The following FAM227B variants were observed in gnomAD, a reference collection of about 807,000 sequenced individuals.
FAM227B encodes the protein family with sequence similarity 227 member B.
In FAM227B, 88 loss-of-function variants were observed where a neutral mutation model predicts 73.8. That is an observed-to-expected ratio of 1.19 (90% CI 1.00 to 1.42). The LOEUF (loss-of-function observed/expected upper bound fraction) is 1.42, where lower values mean the gene tolerates loss of function less well. FAM227B is among the 40% of genes most tolerant of loss of function. The pLI is 0.00. For missense variants in FAM227B, 632 were observed against 590.9 expected (o/e 1.07, Z -0.72); for synonymous variants, 210 against 190.5 (o/e 1.10, Z -0.84).
At chr15:49,338,148 T>A (rs1454773169) in intron 13 of FAM227B, among the ~76,000 whole-genome samples, 1 of 152,236 alleles carries the variant, frequency 6.6e-6, no homozygotes, top group Admixed American at 6.5e-5. Context: ...TTAATATTGT[T>A]ATGTGTGAAC....
At chr15:49,576,879 A>G (rs759850685) in intron 6 of FAM227B, 34 bp from the exon 7 acceptor site, 5 of 1,286,170 alleles carry the variant, frequency 3.9e-6, no homozygotes, top group Non-Finnish European at 5.6e-6. Flanking sequence ...GAGAGTAAAT[A>G]TTTCACTCTT....
chr15:49,606,936 T>C (rs1342345666), intron 3 of FAM227B, among the ~76,000 whole-genome samples: 1 of 152,162 alleles, frequency 6.6e-6, no homozygotes, highest in Non-Finnish European at 1.5e-5. Context: ...ACAAAGAAAG[T>C]TAGTCAACAT....
intron 9 of FAM227B, among the ~76,000 whole-genome samples, chr15:49,554,962 G>A (rs1279947320): frequency 6.6e-6 from 1 of 152,062 alleles, no homozygotes; most frequent in Non-Finnish European, 1.5e-5. Context: ...TTTACTTTGA[G>A]CCTGGGGGTA....
chr15:49,604,161 T>C (rs193292343), intron 3 of FAM227B, among the ~76,000 whole-genome samples: 5 of 152,364 alleles, frequency 3.3e-5, no homozygotes, highest in Admixed American at 3.3e-4. Context: ...ACTATATTCT[T>C]ACGTTTATGG....
Position 49,366,061 on chromosome 15 carries a change from C to G in FAM227B, c.1271+1387G>C. 6.1e-6 allele frequency: 5 copies of G among 817,422 alleles called. No individual in the cohort carries two copies. In the South Asian group the frequency reaches 6.7e-5, roughly 11 times the overall value. The allele number at this position is 817,422 out of a possible 1,614,324, so 50.6% of individuals were successfully genotyped here. On this transcript the variant is annotated intron_variant, in intron 13 of 15. Coordinates refer to ENST00000299338, the MANE Select transcript of FAM227B (RefSeq NM_152647.3). ...TAGATATTCTTCCTTTTTTTTCCCT[C>G]ATTTATCTATCTTCAGTTGTCACTG...
At chr15:49,614,986 C>G (rs569313785) in intron 2 of FAM227B, 135 bp downstream of exon 2, 4 of 768,576 alleles carry the variant, frequency 5.2e-6, no homozygotes, top group Non-Finnish European at 9.2e-6. Context: ...ATCTGTGCAG[C>G]GAGCATTAAG....
At chr15:49,619,202 G>A (rs2078495037) in intron 1 of FAM227B, among the ~76,000 whole-genome samples, 1 of 152,164 alleles carries the variant, frequency 6.6e-6, no homozygotes, top group South Asian at 2.1e-4. Context: ...CGATATTTTG[G>A]GGTTTTCTGT....
chr15:49,429,632 C>G (rs1205571549), intron 11 of FAM227B, among the ~76,000 whole-genome samples: 1 of 151,862 alleles, frequency 6.6e-6, no homozygotes, highest in Non-Finnish European at 1.5e-5. Context: ...ATCTCTCAAC[C>G]TTGTCTAAAT....
At chr15:49,337,419 C>T (rs908949281) in intron 13 of FAM227B, among the ~76,000 whole-genome samples, 4 of 147,836 alleles carry the variant, frequency 2.7e-5, no homozygotes, top group East Asian at 2.0e-4. Flanking sequence ...TTGTGGTTTT[C>T]GTTTGCATTT....
intron 5 of FAM227B, among the ~76,000 whole-genome samples, chr15:49,583,980 A>T (rs1413767126): frequency 1.3e-5 from 2 of 152,094 alleles, no homozygotes; most frequent in Admixed American, 6.6e-5. Context: ...CCAAAAACTT[A>T]AGGAAGAAGG....
intron 11 of FAM227B, among the ~76,000 whole-genome samples, chr15:49,378,032 T>C (rs2046283224): frequency 6.6e-6 from 1 of 152,220 alleles, no homozygotes; most frequent in African/African-American, 2.4e-5. Context: ...GATTTCATTT[T>C]GTCTATGACA....
intron 3 of FAM227B, among the ~76,000 whole-genome samples, chr15:49,601,347 A>T (rs1214612809): frequency 6.6e-6 from 1 of 151,840 alleles, no homozygotes; most frequent in South Asian, 2.1e-4. Context: ...TACAGTTATT[A>T]TGTTATATTT....
At chr15:49,614,750 T>C in intron 2 of FAM227B, 1 of 219,974 alleles carries the variant, frequency 4.5e-6, no homozygotes, top group Non-Finnish European at 9.3e-6. Context: ...CCATCACCCA[T>C]CATGATTGCC....
chr15:49,365,886 TG>T (rs2045086783), intron 13 of FAM227B: 1 of 963,824 alleles, frequency 1.0e-6, no homozygotes, highest in African/African-American at 1.6e-5. Context: ...TATGAATTAG[TG>T]CAGCAAGAGA....
chr15:49,408,563 C>T (rs1207136634), intron 11 of FAM227B, among the ~76,000 whole-genome samples: 1 of 152,140 alleles, frequency 6.6e-6, no homozygotes, highest in African/African-American at 2.4e-5. Flanking sequence ...CTAAATTGAT[C>T]TTCCATATCC....
chr15:49,433,890 AC>A (rs1362403608), intron 11 of FAM227B, among the ~76,000 whole-genome samples: 1 of 151,758 alleles, frequency 6.6e-6, no homozygotes, highest in African/African-American at 2.4e-5. Flanking sequence ...TGCATTAGAG[AC>A]AAAAAGAGAA....
intron 10 of FAM227B, among the ~76,000 whole-genome samples, chr15:49,528,361 A>G (rs893810558): frequency 1.1e-4 from 16 of 151,884 alleles, no homozygotes; most frequent in Non-Finnish European, 2.2e-4. Flanking sequence ...GATAGATGAG[A>G]GACTGAAATA....
intron 13 of FAM227B, among the ~76,000 whole-genome samples, chr15:49,350,538 G>A (rs1243474971): frequency 7.9e-5 from 12 of 152,074 alleles, no homozygotes; most frequent in Non-Finnish European, 1.5e-5. Context: ...GAATAGTGGG[G>A]GAAAGCAAAT....
In FAM227B at chr15:49,328,634, T is replaced by C; in HGVS notation, c.1461A>G (p.Leu487=). The C allele has an allele frequency of 3.8e-6, 6 of 1,580,716 alleles. No homozygotes were observed. The highest frequency in any genetic ancestry group is 1.7e-4 in the Middle Eastern group (1 of 6,014). ...AEIERECVAS[L]SSSSSSSPSS... ...ATGGTGATGATGATGATGATGACGATAGTGATGCCACACATTCTCTCTCAA... is the reference window on the plus strand; with the variant it reads ...ATGGTGATGATGATGATGATGACGACAGTGATGCCACACATTCTCTCTCAA... Residue 487 remains leucine, a synonymous_variant, in exon 16 of 16, where the codon CTA becomes CTG. Coordinates refer to ENST00000299338, the MANE Select transcript of FAM227B (RefSeq NM_152647.3).
Sources: gnomAD v4.1 joint callset for allele counts (sites outside exome capture counted in the v4.1 genomes callset) on GRCh38, gnomAD v4.1.1 for gene constraint, MANE v1.5 for transcripts, NCBI Gene and HGNC (gene_info 2026-07-23, HGNC 2026-07-21) for gene names.